Variants in GLT1D1 observed in about 807,000 individuals in gnomAD.
GLT1D1 encodes the protein glycosyltransferase 1 domain-containing protein 1.
A neutral mutation model predicts 28.7 loss-of-function variants in GLT1D1; 21 were observed. The ratio of observed to expected loss-of-function variants is 0.73; its 90% CI spans 0.52 to 1.05. The LOEUF is 1.05. Ranked by LOEUF, GLT1D1 falls within the 50% of genes least tolerant of loss-of-function variation. The pLI is 0.00. For synonymous variants in GLT1D1, 147 were observed against 124.8 expected (o/e 1.18, Z -1.19); for missense variants, 343 against 330.6 (o/e 1.04, Z -0.29).
intron 3 of GLT1D1, among the ~76,000 whole-genome samples, chr12:128,889,765 C>A (rs762328020): frequency 2.6e-5 from 4 of 152,134 alleles, no homozygotes; most frequent in Non-Finnish European, 2.9e-5. Flanking sequence ...AATGGGTCAG[C>A]CTTCTTTCTC....
chr12:128,885,655 G>A (rs1395389817), intron 2 of GLT1D1, among the ~76,000 whole-genome samples: 2 of 152,200 alleles, frequency 1.3e-5, no homozygotes, highest in Non-Finnish European at 1.5e-5. Flanking sequence ...TGAAAGTCCT[G>A]TGATTTCTCC....
intron 2 of GLT1D1, among the ~76,000 whole-genome samples, chr12:128,887,170 C>T (rs1051052880): frequency 7.2e-5 from 11 of 151,972 alleles, no homozygotes; most frequent in African/African-American, 2.7e-4. Flanking sequence ...CCCCACCACA[C>T]CTGGCTAATT....
At chr12:128,874,128 T>TC (rs1566091531) in intron 1 of GLT1D1, among the ~76,000 whole-genome samples, 43 of 46,540 alleles carry the variant, frequency 9.2e-4, no homozygotes, top group African/African-American at 1.6e-3. Flanking sequence ...CTCTCTCTCT[T>TC]TCTTTCTTTC....
At chr12:128,944,266 C>T (rs1875731401) in intron 4 of GLT1D1, 1 of 603,618 alleles carries the variant, frequency 1.7e-6, no homozygotes. Context: ...ACACATTTCT[C>T]CTTATAGAGT....
Position 128,899,282 on chromosome 12 carries a change from C to G in GLT1D1, c.370C>G (p.Gln124Glu). 6.2e-7 allele frequency: 1 copy of G among 1,613,164 alleles called. No homozygotes were observed. Among genetic ancestry groups the G allele is most frequent in the Non-Finnish European group, 8.5e-7 (1 of 1,179,180 alleles). ...GTCAATGAAGGAAATGGCACAAGCG[C>G]AGTGGGTATGTGTTTATCTGGTGTT... is the stretch of plus-strand genomic sequence containing the variant. Residue 124 changes from glutamine (Q) to glutamate (E), a missense_variant, in exon 4 of 8, where the codon CAG becomes GAG. Physicochemically the swap from Gln to Glu is conservative, Grantham distance 29. Transcript: ENST00000281703.
chr12:128,879,446 CTT>C (rs1182475964), intron 2 of GLT1D1, among the ~76,000 whole-genome samples: 2 of 103,874 alleles, frequency 1.9e-5, no homozygotes, highest in Non-Finnish European at 4.0e-5. Context: ...TTCTTTCTTT[CTT>C]TCTTTCTTTC....
intron 3 of GLT1D1, among the ~76,000 whole-genome samples, chr12:128,896,825 T>C (rs1412244985): frequency 1.3e-5 from 2 of 152,160 alleles, no homozygotes; most frequent in African/African-American, 4.8e-5. Flanking sequence ...AAATGATTCT[T>C]TGAGATTGGG....
At chr12:128,863,118 T>G (rs1310223931) in intron 1 of GLT1D1, among the ~76,000 whole-genome samples, 1 of 152,120 alleles carries the variant, frequency 6.6e-6, no homozygotes, top group Non-Finnish European at 1.5e-5. Context: ...GCCTTCAGAA[T>G]GAAGACCCAG....
intron 4 of GLT1D1, among the ~76,000 whole-genome samples, chr12:128,922,094 G>A (rs1210915808): frequency 1.3e-5 from 2 of 151,822 alleles, no homozygotes; most frequent in African/African-American, 4.8e-5. Context: ...TTCTCAGTGT[G>A]TCACATATGG....
chr12:128,949,255 G>T (rs7960774), intron 6 of GLT1D1, among the ~76,000 whole-genome samples: 2 of 152,104 alleles, frequency 1.3e-5, no homozygotes, highest in Admixed American at 1.3e-4. Flanking sequence ...ACTTCACTGC[G>T]GATGAATCGC....
rs552382353 is a variant in GLT1D1 at position 128,899,131 on chromosome 12, T to C, written c.324-105T>C. On this transcript the variant is annotated intron_variant, in intron 3 of 7. Coordinates refer to ENST00000281703, the MANE Select transcript of GLT1D1 (RefSeq NM_144669.3). ...ATAAAGATTGATTGCATTTTAAATT[T>C]AGTGTCTCACGTTGTCTCTCATAAT... 281 of 783,758 alleles carry C rather than the reference T, an allele frequency of 3.6e-4. 1 individual carries two copies. Among genetic ancestry groups the C allele is most frequent in the Middle Eastern group, 7.2e-4 (2 of 2,766 alleles). The allele number at this position is 783,758 out of a possible 1,614,324, so 48.6% of individuals were successfully genotyped here.
At chr12:128,930,034 C>T (rs973616781) in intron 4 of GLT1D1, among the ~76,000 whole-genome samples, 1 of 152,104 alleles carries the variant, frequency 6.6e-6, no homozygotes, top group Non-Finnish European at 1.5e-5. Context: ...ACATTGAATA[C>T]CATATGGAAG....
rs1211246058 is a variant in GLT1D1, at chr12:128,942,736, T to TTG, written c.376-2589_376-2588insGT. The stretch of plus-strand genomic sequence containing the variant: ...TCACTTTAGATTCCAATTTTCTTTG[T>TTG]TTGTTTGTTTTTGTTTTTTGTTTTT... On this transcript the variant is annotated intron_variant, in intron 4 of 7. Coordinates refer to ENST00000281703, the MANE Select transcript of GLT1D1 (RefSeq NM_144669.3). Among the ~76,000 whole-genome samples, 54 of 88,114 alleles carry TTG rather than the reference T, an allele frequency of 6.1e-4. 2 individuals are homozygous for TTG. Among genetic ancestry groups the TTG allele is most frequent in the African/African-American group, 2.3e-3 (49 of 21,034 alleles). The allele number at this position is 88,114 out of a possible 152,430, so 57.8% of individuals were successfully genotyped here. A position where few individuals can be genotyped will look rare whatever the true frequency, so the allele number is the denominator to read the frequency against.
intron 4 of GLT1D1, among the ~76,000 whole-genome samples, chr12:128,902,887 G>A (rs470637): frequency 0.98 from 148,752 of 151,308 alleles, 73,240 homozygotes; most frequent in East Asian, 1. Context: ...TACTGAAAAT[G>A]CAAAAAATTA....
intron 1 of GLT1D1, among the ~76,000 whole-genome samples, chr12:128,871,393 C>T (rs1293398184): frequency 6.6e-6 from 1 of 152,078 alleles, no homozygotes; most frequent in Admixed American, 6.6e-5. Flanking sequence ...TGTTACTGAC[C>T]CACAATGACT....
chr12:128,855,790 T>A (rs1170862109), intron 1 of GLT1D1, among the ~76,000 whole-genome samples: 3 of 146,556 alleles, frequency 2.0e-5, no homozygotes, highest in African/African-American at 7.6e-5. Context: ...CTTCATTCTT[T>A]CGCCCAGGCT....
chr12:128,874,112 C>T lies in GLT1D1; in HGVS notation c.69-1802C>T, dbSNP rs1395535467. Among the ~76,000 whole-genome samples, 163 of 57,720 alleles carry T rather than the reference C, an allele frequency of 2.8e-3. 2 individuals are homozygous for T. Among genetic ancestry groups the T allele is most frequent in the African/African-American group, 8.4e-3 (98 of 11,646 alleles). 37.9% of individuals were successfully genotyped at this position (57,720 alleles called of 152,430 possible). A position where few individuals can be genotyped will look rare whatever the true frequency, so the allele number is the denominator to read the frequency against. ...TCTTTCTTTCTTTCTCTCTCTCTCT[C>T]TCTCTCTCTCTCTCTTTCTTTCTTT... On this transcript the variant is annotated intron_variant, in intron 1 of 7. Coordinates refer to ENST00000281703, the MANE Select transcript of GLT1D1 (RefSeq NM_144669.3).
chr12:128,902,640 T>A (rs1262470568), intron 4 of GLT1D1, among the ~76,000 whole-genome samples: 1 of 151,704 alleles, frequency 6.6e-6, no homozygotes, highest in African/African-American at 2.4e-5. Flanking sequence ...CTACTACCTG[T>A]CTGCAAGAGG....
At position 128,874,130 on chromosome 12, in the gene GLT1D1, CTT is replaced by C. The variant is rs1566091546; in HGVS notation, c.69-1782_69-1781del. Among the ~76,000 whole-genome samples the C allele has an allele frequency of 3.6e-3, 202 of 55,642 alleles. 1 individual carries two copies. Among genetic ancestry groups the C allele is most frequent in the African/African-American group, 7.1e-3 (113 of 15,838 alleles). 36.5% of individuals were successfully genotyped at this position (55,642 alleles called of 152,430 possible). A position where few individuals can be genotyped will look rare whatever the true frequency, so the allele number is the denominator to read the frequency against. On this transcript the variant is annotated intron_variant, in intron 1 of 7. Coordinates refer to ENST00000281703, the MANE Select transcript of GLT1D1 (RefSeq NM_144669.3). ...TCTCTCTCTCTCTCTCTCTCTCTTT[CTT>C]TCTTTCTTTCTTTCTTTCTTTCTTT...
Sources: gnomAD v4.1 joint callset for allele counts (sites outside exome capture counted in the v4.1 genomes callset) on GRCh38, gnomAD v4.1.1 for gene constraint, MANE v1.5 for transcripts, NCBI Gene and HGNC (gene_info 2026-07-23, HGNC 2026-07-21) for gene names.